AUTS2: variants seen among roughly 807,000 people sequenced by gnomAD.
AUTS2 encodes the protein activator of transcription and developmental regulator AUTS2.
In AUTS2, 17 loss-of-function variants were observed where a neutral mutation model predicts 112.4. That is an observed-to-expected ratio of 0.15 (90% confidence interval 0.10 to 0.23). AUTS2 has a LOEUF of 0.23. Among genes scored for constraint, AUTS2 ranks in the 10% least tolerant of loss-of-function variants. The pLI, the probability that AUTS2 is intolerant of heterozygous loss-of-function variation, is 1.00. For synonymous variants in AUTS2, 751 were observed against 702.7 expected (o/e 1.07, Z -1.09); for missense variants, 1,510 against 1,701.6 (o/e 0.89, Z 1.98).
intron 15 of AUTS2, chr7:70,783,685 A>AACAAG (rs1476571527): frequency 6.6e-6 from 1 of 152,180 alleles, no homozygotes; most frequent in East Asian, 1.9e-4. Context: ...CTTGTAACTG[A>AACAAG]TGTGTATAAC....
chr7:70,282,769 G>T (rs952967602), intron 4 of AUTS2, among the ~76,000 whole-genome samples: 5 of 152,162 alleles, frequency 3.3e-5, no homozygotes, highest in African/African-American at 1.2e-4. Flanking sequence ...AATGTGAAAT[G>T]AACCGTTAGG....
intron 5 of AUTS2, among the ~76,000 whole-genome samples, chr7:70,550,816 G>T (rs562210111): frequency 6.6e-6 from 1 of 152,198 alleles, no homozygotes; most frequent in African/African-American, 2.4e-5. Context: ...CAACTGAGAT[G>T]GCCTGAAAGA....
chr7:70,231,631 C>G (rs1812054835), intron 4 of AUTS2, among the ~76,000 whole-genome samples: 1 of 151,590 alleles, frequency 6.6e-6, no homozygotes, highest in Admixed American at 6.6e-5. Flanking sequence ...TTTTAGTAGA[C>G]ACAGCGTTTC....
At chr7:69,654,138 T>C (rs1795411097) in intron 1 of AUTS2, among the ~76,000 whole-genome samples, 1 of 152,216 alleles carries the variant, frequency 6.6e-6, no homozygotes, top group South Asian at 2.1e-4. Context: ...TTTCTTCCTG[T>C]CACCATCTCT....
At chr7:69,925,700 T>C (rs1406235087) in intron 2 of AUTS2, among the ~76,000 whole-genome samples, 1 of 152,210 alleles carries the variant, frequency 6.6e-6, no homozygotes, top group Non-Finnish European at 1.5e-5. Context: ...AAAAATCTTT[T>C]GTAGAGATAG....
chr7:70,179,699 G>T (rs1318034057), intron 4 of AUTS2, among the ~76,000 whole-genome samples: 1 of 152,144 alleles, frequency 6.6e-6, no homozygotes, highest in African/African-American at 2.4e-5. Flanking sequence ...GATCTCTAAG[G>T]TTAGTATAAA....
At chr7:70,493,238 G>A (rs1798319135) in intron 5 of AUTS2, among the ~76,000 whole-genome samples, 1 of 152,204 alleles carries the variant, frequency 6.6e-6, no homozygotes, top group Admixed American at 6.5e-5. Context: ...TGTTATATGA[G>A]CCCTGGTGGT....
intron 1 of AUTS2, among the ~76,000 whole-genome samples, chr7:69,604,850 A>G (rs1792623108): frequency 6.6e-6 from 1 of 152,220 alleles, no homozygotes; most frequent in African/African-American, 2.4e-5. Flanking sequence ...CCATTAGTGG[A>G]GAGGTTTAAA....
intron 1 of AUTS2, among the ~76,000 whole-genome samples, chr7:69,746,183 A>G (rs914982987): frequency 3.3e-5 from 5 of 152,032 alleles, no homozygotes; most frequent in African/African-American, 1.2e-4. Context: ...GCCTACATCA[A>G]CATTTTTTAT....
rs180729543 is a variant in AUTS2 at position 70,441,437 on chromosome 7, G to A, written c.690+5656G>A. On this transcript the variant is annotated intron_variant, in intron 5 of 18. Transcript: ENST00000342771. Reference sequence around the variant, plus strand: ...GTCTCGCTCTGTTGCCCAGGCTGGAGTACAATGGCATAATCTTAGCTCACT... The same window carrying A: ...GTCTCGCTCTGTTGCCCAGGCTGGAATACAATGGCATAATCTTAGCTCACT... Among the ~76,000 whole-genome samples the A allele has an allele frequency of 5.3e-4, 81 of 152,262 alleles. No homozygotes were observed. The Middle Eastern group carries it at 0.014, about 26-fold the overall frequency.
chr7:70,058,449 G>A (rs967341069), intron 2 of AUTS2, among the ~76,000 whole-genome samples: 1 of 152,102 alleles, frequency 6.6e-6, no homozygotes, highest in African/African-American at 2.4e-5. Flanking sequence ...CCCCCGCTAC[G>A]CATAGCATTA....
intron 5 of AUTS2, among the ~76,000 whole-genome samples, chr7:70,667,548 C>A (rs1221414196): frequency 1.3e-5 from 2 of 152,194 alleles, no homozygotes; most frequent in Non-Finnish European, 2.9e-5. Flanking sequence ...TTCAGCCAGG[C>A]ACACACTTGC....
At chr7:70,613,329 A>G (rs911458299) in intron 5 of AUTS2, among the ~76,000 whole-genome samples, 1 of 152,160 alleles carries the variant, frequency 6.6e-6, no homozygotes, top group African/African-American at 2.4e-5. Context: ...TCAAGGCTGT[A>G]GAGACATTTC....
chr7:70,175,475 G>A (rs1808937061), intron 4 of AUTS2, among the ~76,000 whole-genome samples: 1 of 152,162 alleles, frequency 6.6e-6, no homozygotes, highest in African/African-American at 2.4e-5. Context: ...TTTTAAAGAA[G>A]TTCTATGTGG....
intron 4 of AUTS2, among the ~76,000 whole-genome samples, chr7:70,362,613 C>T (rs531521019): frequency 1.1e-3 from 173 of 151,852 alleles, no homozygotes; most frequent in Non-Finnish European, 1.9e-3. Context: ...CTTTCTCTCC[C>T]CCGTCCCTCC....
At chr7:70,292,151 A>G (rs1788737148) in intron 4 of AUTS2, 1 of 152,198 alleles carries the variant, frequency 6.6e-6, no homozygotes, top group South Asian at 2.1e-4. Context: ...TTCTATTCTT[A>G]TGCCAGGCAC....
At chr7:70,513,419 G>A (rs1245919051) in intron 5 of AUTS2, among the ~76,000 whole-genome samples, 1 of 152,238 alleles carries the variant, frequency 6.6e-6, no homozygotes, top group East Asian at 1.9e-4. Flanking sequence ...GCCTGTGTAC[G>A]ATCAAAGACC....
intron 4 of AUTS2, among the ~76,000 whole-genome samples, chr7:70,421,079 C>G (rs146423846): frequency 6.6e-6 from 1 of 152,082 alleles, no homozygotes. Flanking sequence ...TCACCTTCAC[C>G]TTTAGCTAAA....
chr7:70,736,026 C>T (rs1385162581), intron 6 of AUTS2, among the ~76,000 whole-genome samples: 4 of 113,706 alleles, frequency 3.5e-5, no homozygotes, highest in Admixed American at 1.9e-4. Flanking sequence ...AATAGTATAT[C>T]TATTTTATTA....
Sources: gnomAD v4.1 joint callset for allele counts (sites outside exome capture counted in the v4.1 genomes callset) on GRCh38, gnomAD v4.1.1 for gene constraint, MANE v1.5 for transcripts, NCBI Gene and HGNC (gene_info 2026-07-23, HGNC 2026-07-21) for gene names.